TRIM41: variants seen among roughly 807,000 people sequenced by gnomAD.
TRIM41 encodes the protein E3 ubiquitin-protein ligase TRIM41.
TRIM41 carries 21 observed loss-of-function variants against 60.6 expected under a neutral mutation model. The ratio of observed to expected loss-of-function variants is 0.35; its 90% CI spans 0.25 to 0.50. The LOEUF (loss-of-function observed/expected upper bound fraction) is 0.50. Among genes scored for constraint, TRIM41 ranks in the 20% least tolerant of loss-of-function variants. TRIM41 has a pLI of 0.98. For missense variants in TRIM41, 846 were observed against 868.3 expected, an observed-to-expected ratio of 0.97 and a Z score of 0.32; for synonymous variants, 407 against 344.9, an observed-to-expected ratio of 1.18 and a Z score of -2.00.
In TRIM41 at chr5:181,234,906, C is replaced by T. The variant is rs1759014338; in HGVS notation, c.*131C>T. Reference sequence around the variant, plus strand: ...TGTGTTGCTTCCCACTCCCCCTTGACCCCAGGCCCCTGCTTCTCCCTCTAG... The same window carrying T: ...TGTGTTGCTTCCCACTCCCCCTTGATCCCAGGCCCCTGCTTCTCCCTCTAG... On this transcript the variant is annotated 3_prime_UTR_variant, in exon 6 of 6. Transcript: ENST00000315073. The surrounding 1 kb of genome is among the most constrained non-coding windows in gnomAD (Gnocchi z 5.6). 1.9e-6 allele frequency: 3 copies of T among 1,612,976 alleles called. No individual in the cohort carries two copies. The highest frequency in any genetic ancestry group is 1.1e-5 in the South Asian group (1 of 91,076).
In TRIM41 at chr5:181,234,626, T is replaced by C; in HGVS notation, c.1744T>C (p.Tyr582His). The change falls in exon 6 of 6, where the codon TAC becomes CAC. Residue 582 changes from tyrosine (Y) to histidine (H), a missense_variant. Tyr to His is a moderately conservative substitution (Grantham distance 83, BLOSUM62 2). Coordinates refer to ENST00000315073, the MANE Select transcript of TRIM41 (RefSeq NM_033549.5). This position sits in a 1 kb window ranked among gnomAD's most constrained non-coding sequence, Gnocchi z 5.6. Reference sequence around the variant, plus strand: ...TGAGAAACCAAGGCGCTTTGGTGTGTACCTGGACTATGAAGCTGGGCGCCT... The same window carrying C: ...TGAGAAACCAAGGCGCTTTGGTGTGCACCTGGACTATGAAGCTGGGCGCCT... ...PSEKPRRFGVYLDYEAGRLGF... is the reference protein window; with the variant it reads ...PSEKPRRFGVHLDYEAGRLGF... The C allele has an allele frequency of 1.2e-6, 2 of 1,614,062 alleles. No homozygotes were observed. Among genetic ancestry groups the C allele is most frequent in the Non-Finnish European group, 1.7e-6 (2 of 1,179,882 alleles).
In TRIM41 at chr5:181,233,364, C is replaced by T; in HGVS notation, c.1141-49C>T. On this transcript the variant is annotated intron_variant, in intron 3 of 5. Coordinates refer to ENST00000315073, the MANE Select transcript of TRIM41 (RefSeq NM_033549.5). The surrounding 1 kb of genome is among the most constrained non-coding windows in gnomAD (Gnocchi z 4.1). ...ACGCTGTCCCTGTGCAGCTGACACT[C>T]TCTTTATCTCTTTCTCCCTCTCCCT... is the stretch of plus-strand genomic sequence containing the variant. The T allele has an allele frequency of 1.3e-6, 2 of 1,585,780 alleles. No homozygotes were observed. Among genetic ancestry groups the T allele is most frequent in the Non-Finnish European group, 1.7e-6 (2 of 1,155,490 alleles).
chr5:181,230,860 G>A (rs747511038), intron 2 of TRIM41, 21 bp downstream of exon 2: 1 of 1,602,500 alleles, frequency 6.2e-7, no homozygotes, highest in Non-Finnish European at 8.5e-7. Flanking sequence ...GTTCTCGACG[G>A]GGCTGATGGG....
At chr5:181,231,285 G>A in intron 2 of TRIM41, 1 of 181,868 alleles carries the variant, frequency 5.5e-6, no homozygotes, top group Non-Finnish European at 1.2e-5. Context: ...AGCTGGGGCA[G>A]GATTTAGTGT....
Position 181,223,934 on chromosome 5 carries a change from C to G in TRIM41, c.-66C>G. On this transcript the variant is annotated 5_prime_UTR_variant, in exon 1 of 6. Transcript: ENST00000315073. Reference sequence around the variant, plus strand: ...GGGTGGAGCCGGGTCGCCAGGGCGTCGGTAGGGAAGACCCCCGCCCCTCGC... The same window carrying G: ...GGGTGGAGCCGGGTCGCCAGGGCGTGGGTAGGGAAGACCCCCGCCCCTCGC... The G allele has an allele frequency of 6.6e-7, 1 of 1,514,290 alleles. No individual in the cohort carries two copies. Among genetic ancestry groups the G allele is most frequent in the Non-Finnish European group, 8.9e-7 (1 of 1,122,906 alleles). 93.8% of individuals were successfully genotyped at this position (1,514,290 alleles called of 1,614,324 possible). A position where few individuals can be genotyped will look rare whatever the true frequency, so the allele number is the denominator to read the frequency against.
chr5:181,233,827 G>T lies in TRIM41; in HGVS notation c.1291+64G>T. On this transcript the variant is annotated intron_variant, in intron 5 of 5. Transcript: ENST00000315073. This position sits in a 1 kb window ranked among gnomAD's most constrained non-coding sequence, Gnocchi z 4.1. ...CTTCACAGACCTGAGACTGGGTCCT[G>T]AGGGAAGTTGGGCCCCAGGGAAACT... 6.2e-7 allele frequency: 1 copy of T among 1,611,444 alleles called. No homozygotes were observed. The highest frequency in any genetic ancestry group is 8.5e-7 in the Non-Finnish European group (1 of 1,178,034).
Position 181,235,028 on chromosome 5 carries a change from G to A in TRIM41, c.*253G>A, listed in dbSNP as rs374075176. The A allele has an allele frequency of 6.2e-7, 1 of 1,613,914 alleles. No homozygotes were observed. Among genetic ancestry groups the A allele is most frequent in the Non-Finnish European group, 8.5e-7 (1 of 1,180,028 alleles). Reference sequence around the variant, plus strand: ...TGGGTCCCTGATAATGAGAACAGCTGCCTGGTCTTCTCTCCCAGTCTGCCT... The same window carrying A: ...TGGGTCCCTGATAATGAGAACAGCTACCTGGTCTTCTCTCCCAGTCTGCCT... On this transcript the variant is annotated 3_prime_UTR_variant, in exon 6 of 6. Transcript: ENST00000315073.
chr5:181,230,827 G>A lies in TRIM41; in HGVS notation c.897G>A (p.Val299=), dbSNP rs1758766482. 5.6e-6 allele frequency: 9 copies of A among 1,612,754 alleles called. No individual in the cohort carries two copies. Among genetic ancestry groups the A allele is most frequent in the Non-Finnish European group, 7.6e-6 (9 of 1,179,118 alleles). The change falls in exon 2 of 6, where the codon GTG becomes GTA. Residue 299 remains valine (V), a synonymous_variant. Transcript: ENST00000315073. ...TGAAAGCCAAGGAGGAGAGGCGAGT[G>A]ACAGAACTGAAGGTGGGTGAATGTT... The part of the protein sequence containing the change: ...QKMKAKEERR[V]TELKSQMKSE...
In TRIM41 at chr5:181,234,796, G is replaced by A. The variant is rs201147494; in HGVS notation, c.*21G>A. The A allele has an allele frequency of 8.7e-6, 14 of 1,606,540 alleles. No homozygotes were observed. In the African/African-American group the frequency reaches 9.4e-5, roughly 11 times the overall value. On this transcript the variant is annotated 3_prime_UTR_variant, in exon 6 of 6. Coordinates refer to ENST00000315073, the MANE Select transcript of TRIM41 (RefSeq NM_033549.5). The surrounding 1 kb of genome is among the most constrained non-coding windows in gnomAD (Gnocchi z 5.6). ...CTTGATTATCCTGCCACCCGCAGGG[G>A]CCCCTCTGTCAGCACTTGGGGGGTG...
Position 181,235,329 on chromosome 5 carries a change from C to G in TRIM41, c.*554C>G, listed in dbSNP as rs1329681306. ...GGAGGAGGGATTCTAAACTTTCCTT[C>G]CGTCCTCAATTTCTACCTCCATAGA... is the stretch of plus-strand genomic sequence containing the variant. On this transcript the variant is annotated 3_prime_UTR_variant, in exon 6 of 6. Coordinates refer to ENST00000315073, the MANE Select transcript of TRIM41 (RefSeq NM_033549.5). 6.2e-7 allele frequency: 1 copy of G among 1,614,182 alleles called. No homozygotes were observed. The highest frequency in any genetic ancestry group is 8.5e-7 in the Non-Finnish European group (1 of 1,180,026).
chr5:181,224,666 G>T lies in TRIM41; in HGVS notation c.667G>T (p.Asp223Tyr). The T allele has an allele frequency of 6.2e-7, 1 of 1,614,230 alleles. No homozygotes were observed. The highest frequency in any genetic ancestry group is 8.5e-7 in the Non-Finnish European group (1 of 1,180,042). The change falls in exon 1 of 6, where the codon GAT (aspartate) becomes TAT (tyrosine). Residue 223 changes from aspartate to tyrosine, a missense_variant. Transcript: ENST00000315073. ...PTPGRGSRVT[D>Y]QGICPKHQEA... ...CCCTGGTCGAGGGAGCCGCGTGACCGATCAGGGCATCTGTCCCAAACACCA... is the reference window on the plus strand; with the variant it reads ...CCCTGGTCGAGGGAGCCGCGTGACCTATCAGGGCATCTGTCCCAAACACCA...
chr5:181,224,681 C>G lies in TRIM41; in HGVS notation c.682C>G (p.Pro228Ala). The part of the protein sequence containing the change: ...GSRVTDQGIC[P>A]KHQEALKLFC... ...CCGCGTGACCGATCAGGGCATCTGT[C>G]CCAAACACCAAGAAGCCCTGAAGCT... Residue 228 changes from proline (P) to alanine (A), a missense_variant, in exon 1 of 6, where the codon CCC (proline) becomes GCC (alanine). Coordinates refer to ENST00000315073, the MANE Select transcript of TRIM41 (RefSeq NM_033549.5). The G allele has an allele frequency of 3.1e-6, 5 of 1,614,214 alleles. No homozygotes were observed. The highest frequency in any genetic ancestry group is 4.2e-6 in the Non-Finnish European group (5 of 1,180,052).
In TRIM41 at chr5:181,235,058, C is replaced by T; in HGVS notation, c.*283C>T. On this transcript the variant is annotated 3_prime_UTR_variant, in exon 6 of 6. Transcript: ENST00000315073. Reference sequence around the variant, plus strand: ...GTCTTCTCTCCCAGTCTGCCTAGCCCAGCCCTGGGACTGGAATTTGAGTAG... The same window carrying T: ...GTCTTCTCTCCCAGTCTGCCTAGCCTAGCCCTGGGACTGGAATTTGAGTAG... The T allele has an allele frequency of 6.2e-7, 1 of 1,612,840 alleles. No individual in the cohort carries two copies. The highest frequency in any genetic ancestry group is 1.3e-5 in the African/African-American group (1 of 75,002).
In TRIM41 at chr5:181,234,195, A is replaced by G. The variant is rs2241371; in HGVS notation, c.1313A>G (p.Asp438Gly). 1.3e-4 allele frequency: 217 copies of G among 1,612,312 alleles called. No homozygotes were observed. The East Asian group carries it at 4.7e-3, about 35-fold the overall frequency. Residue 438 changes from aspartate to glycine, a missense_variant, in exon 6 of 6, where the codon GAC becomes GGC. Coordinates refer to ENST00000315073, the MANE Select transcript of TRIM41 (RefSeq NM_033549.5). The surrounding 1 kb of genome is among the most constrained non-coding windows in gnomAD (Gnocchi z 5.6). ...CAAGTGGACCTGACGCTGGACCCTG[A>G]CACGGCTCACCCGGCCCTGATGCTG... ...AARVDLTLDPDTAHPALMLSP... is the reference protein window; with the variant it reads ...AARVDLTLDPGTAHPALMLSP...
chr5:181,235,123 T>C lies in TRIM41; in HGVS notation c.*348T>C, dbSNP rs1480197207. On this transcript the variant is annotated 3_prime_UTR_variant, in exon 6 of 6. Coordinates refer to ENST00000315073, the MANE Select transcript of TRIM41 (RefSeq NM_033549.5). ...TTGTAATTTCATTCCTTAACTTCCT[T>C]TTCCCCACCCCTGCTCTTCAACCTC... 1 of 1,581,170 alleles carries C rather than the reference T, an allele frequency of 6.3e-7. No individual in the cohort carries two copies. Among genetic ancestry groups the C allele is most frequent in the Non-Finnish European group, 8.6e-7 (1 of 1,163,764 alleles).
At chr5:181,228,485 G>A (rs1758646318) in intron 1 of TRIM41, 1 of 147,554 alleles carries the variant, frequency 6.8e-6, no homozygotes, top group Non-Finnish European at 1.5e-5. Flanking sequence ...TTGAACCTGG[G>A]AGGCAGAGGT....
intron 3 of TRIM41, 50 bp downstream of exon 3, chr5:181,232,939 G>A (rs1281927876): frequency 6.6e-7 from 1 of 1,520,242 alleles, no homozygotes; most frequent in Non-Finnish European, 8.8e-7. Context: ...TTGGCTGTCA[G>A]GCAGTGCTTA....
Position 181,224,742 on chromosome 5 carries a change from T to G in TRIM41, c.743T>G (p.Val248Gly). The G allele has an allele frequency of 6.2e-7, 1 of 1,614,154 alleles. No homozygotes were observed. The highest frequency in any genetic ancestry group is 2.2e-5 in the East Asian group (1 of 44,884). ...CEVDEEAICV[V>G]CRESRSHKQH... Reference sequence around the variant, plus strand: ...GTAGACGAAGAGGCCATCTGTGTGGTGTGCCGAGAATCCAGGAGCCACAAA... The same window carrying G: ...GTAGACGAAGAGGCCATCTGTGTGGGGTGCCGAGAATCCAGGAGCCACAAA... Residue 248 changes from valine to glycine, a missense_variant, in exon 1 of 6, where the codon GTG becomes GGG. Transcript: ENST00000315073.
rs1216734843 is a variant in TRIM41, at chr5:181,232,646, T to C, written c.910-13T>C. ...TTGAGGTGGTGTCTGCCATCCCCTT[T>C]GCACCATTCCAGAGCCAGATGAAGT... On this transcript the variant is annotated splice_polypyrimidine_tract_variant and intron_variant, in intron 2 of 5. Transcript: ENST00000315073. 2 of 1,611,946 alleles carry C rather than the reference T, an allele frequency of 1.2e-6. No homozygotes were observed. The highest frequency in any genetic ancestry group is 1.7e-6 in the Non-Finnish European group (2 of 1,179,246).
Sources: allele counts gnomAD v4.1 joint callset, GRCh38; gene constraint gnomAD v4.1.1; non-coding constraint Gnocchi (gnomAD v3.1); transcripts MANE v1.5; gene names NCBI Gene and HGNC (gene_info 2026-07-23, HGNC 2026-07-21).